Variants in HDDC2 observed in about 807,000 individuals in gnomAD.
The protein encoded by HDDC2 is 5'-deoxynucleotidase HDDC2.
In HDDC2, 25 loss-of-function variants were observed where a neutral mutation model predicts 25.5. That is an observed-to-expected ratio of 0.98 (90% CI 0.72 to 1.37). The LOEUF is 1.37. Ranked by LOEUF, HDDC2 falls within the 40% of genes most tolerant of loss-of-function variation. The pLI is 0.00. For synonymous variants in HDDC2, 106 were observed against 89.7 expected (o/e 1.18, Z -1.03); for missense variants, 264 against 253.1 (o/e 1.04, Z -0.29).
At chr6:125,289,727 T>C (rs1457162436) in intron 4 of HDDC2, among the ~76,000 whole-genome samples, 1 of 152,108 alleles carries the variant, frequency 6.6e-6, no homozygotes, top group African/African-American at 2.4e-5. Context: ...TTTAAAAGGG[T>C]ACTTGTTAAC....
chr6:125,296,126 T>TA (rs563798273), intron 3 of HDDC2, among the ~76,000 whole-genome samples: 36 of 150,288 alleles, frequency 2.4e-4, no homozygotes, highest in Non-Finnish European at 3.7e-4. Context: ...AAAAAAAAAT[T>TA]AAAAAAAAAG....
At chr6:125,292,319 G>A (rs936165976) in intron 4 of HDDC2, among the ~76,000 whole-genome samples, 1 of 152,048 alleles carries the variant, frequency 6.6e-6, no homozygotes, top group Non-Finnish European at 1.5e-5. Context: ...TCCCTTCACT[G>A]TCAGCAGCAC....
Position 125,276,193 on chromosome 6 carries a change from C to G in HDDC2, c.568G>C (p.Glu190Gln). Residue 190 changes from glutamate to glutamine, a missense_variant, in exon 6 of 6, where the codon GAA becomes CAA. Physicochemically the swap from Glu to Gln is conservative, Grantham distance 29 (BLOSUM62 2). Coordinates refer to ENST00000398153, the MANE Select transcript of HDDC2 (RefSeq NM_016063.3). The stretch of plus-strand genomic sequence containing the variant: ...GCTGCAGCTATGTTAGTGCTTCTTT[C>G]TGCCTCAAGTTCAGAAACAAGCTGG... The part of the protein sequence containing the change: ...IVQLVSELEA[E>Q]RSTNIAAAAS... 6.2e-7 allele frequency: 1 copy of G among 1,614,156 alleles called. No individual in the cohort carries two copies. The highest frequency in any genetic ancestry group is 8.5e-7 in the Non-Finnish European group (1 of 1,180,016).
intron 2 of HDDC2, among the ~76,000 whole-genome samples, chr6:125,299,392 A>C (rs1398364995): frequency 2.0e-5 from 3 of 152,220 alleles, no homozygotes; most frequent in African/African-American, 7.2e-5. Flanking sequence ...ACAAAAAAAA[A>C]CGAGATTACA....
At chr6:125,285,477 T>C (rs1427959282) in intron 4 of HDDC2, among the ~76,000 whole-genome samples, 1 of 151,038 alleles carries the variant, frequency 6.6e-6, no homozygotes, top group Non-Finnish European at 1.5e-5. Context: ...GAAATAGAAA[T>C]GGAAAGTTTA....
chr6:125,300,511 C>T (rs367546506), intron 2 of HDDC2, 27 bp downstream of exon 2: 8 of 1,608,578 alleles, frequency 5.0e-6, no homozygotes, highest in South Asian at 4.4e-5. Context: ...GAATCTCTCA[C>T]GAGCATCAAA....
At chr6:125,281,542 A>C (rs1488154018) in intron 4 of HDDC2, among the ~76,000 whole-genome samples, 3 of 152,212 alleles carry the variant, frequency 2.0e-5, no homozygotes. Flanking sequence ...AAAACACAGC[A>C]TGAGAACTTC....
chr6:125,286,060 A>G (rs981858874), intron 4 of HDDC2, among the ~76,000 whole-genome samples: 1 of 152,252 alleles, frequency 6.6e-6, no homozygotes, highest in African/African-American at 2.4e-5. Context: ...AGGATTTTAC[A>G]TGCAGTGAAA....
chr6:125,298,564 A>G (rs1054933346), intron 3 of HDDC2, 150 bp downstream of exon 3: 1 of 631,108 alleles, frequency 1.6e-6, no homozygotes, highest in Non-Finnish European at 2.8e-6. Context: ...ATCTCTAAAA[A>G]TATCTTCCCC....
rs1030323316 is a variant in HDDC2 at position 125,277,315 on chromosome 6, T to C, written c.379-75A>G. ...TATCCTGGGAAAATTCTGACTCTGG[T>C]ACCCGAAATCAGAGTGACAGCTACA... is the stretch of plus-strand genomic sequence containing the variant. On this transcript the variant is annotated intron_variant, in intron 4 of 5. Transcript: ENST00000398153. The C allele has an allele frequency of 2.8e-6, 4 of 1,426,882 alleles. No individual in the cohort carries two copies. In the African/African-American group the frequency reaches 5.7e-5, roughly 20 times the overall value. The allele number at this position is 1,426,882 out of a possible 1,614,324, so 88.4% of individuals were successfully genotyped here. A position where few individuals can be genotyped will look rare whatever the true frequency, so the allele number is the denominator to read the frequency against.
At chr6:125,301,472 G>C (rs1433040038) in intron 1 of HDDC2, among the ~76,000 whole-genome samples, 1 of 112,952 alleles carries the variant, frequency 8.9e-6, no homozygotes, top group African/African-American at 4.0e-5. Context: ...CACGAGTTCT[G>C]GGGTCGTGAG....
At chr6:125,280,342 A>C (rs9491359) in intron 4 of HDDC2, among the ~76,000 whole-genome samples, 6 of 150,838 alleles carry the variant, frequency 4.0e-5, no homozygotes, top group Non-Finnish European at 8.9e-5. Context: ...GCTAGCTACA[A>C]TTTTTTTTTT....
intron 4 of HDDC2, among the ~76,000 whole-genome samples, chr6:125,284,197 A>C (rs1798499560): frequency 6.6e-6 from 1 of 152,238 alleles, no homozygotes; most frequent in East Asian, 1.9e-4. Context: ...TAAGACCTAA[A>C]ACCATAAAAA....
intron 3 of HDDC2, among the ~76,000 whole-genome samples, chr6:125,293,878 C>G (rs972126587): frequency 6.6e-6 from 1 of 152,162 alleles, no homozygotes; most frequent in African/African-American, 2.4e-5. Flanking sequence ...TATTCCCCAC[C>G]ACAAGGAGAA....
At chr6:125,283,869 C>T (rs9491364) in intron 4 of HDDC2, among the ~76,000 whole-genome samples, 26 of 152,018 alleles carry the variant, frequency 1.7e-4, no homozygotes, top group Admixed American at 6.5e-4. Context: ...ACAATCCTAA[C>T]CAAAAAGAAC....
At chr6:125,287,945 G>T (rs544847329) in intron 4 of HDDC2, among the ~76,000 whole-genome samples, 10 of 152,178 alleles carry the variant, frequency 6.6e-5, no homozygotes, top group Non-Finnish European at 1.5e-4. Flanking sequence ...GCCGAAGGCC[G>T]GCTGTGACCT....
At chr6:125,290,671 T>A (rs564435648) in intron 4 of HDDC2, among the ~76,000 whole-genome samples, 2 of 152,282 alleles carry the variant, frequency 1.3e-5, no homozygotes, top group South Asian at 4.1e-4. Context: ...GGGAAGAGAC[T>A]GGAGTGATGT....
intron 3 of HDDC2, among the ~76,000 whole-genome samples, chr6:125,298,025 A>G (rs1172320299): frequency 6.6e-6 from 1 of 152,210 alleles, no homozygotes; most frequent in Middle Eastern, 3.2e-3. Context: ...ACTTCTCTCC[A>G]AAAAGCTTAT....
chr6:125,291,460 C>T (rs1341866588), intron 4 of HDDC2, among the ~76,000 whole-genome samples: 4 of 152,158 alleles, frequency 2.6e-5, no homozygotes, highest in Admixed American at 2.6e-4. Context: ...TCTGGGACAG[C>T]ACTCAGTTGC....
Sources: allele counts gnomAD v4.1 joint callset (sites outside exome capture counted in the v4.1 genomes callset), GRCh38; gene constraint gnomAD v4.1.1; transcripts MANE v1.5; gene names NCBI Gene and HGNC (gene_info 2026-07-23, HGNC 2026-07-21).